The following OR51B5 variants were observed in gnomAD, a reference collection of about 807,000 sequenced individuals.
The protein encoded by OR51B5 is olfactory receptor 51B5.
For synonymous variants in OR51B5, 186 were observed against 144.8 expected (o/e 1.28, Z -2.04); for missense variants, 456 against 374.6 (o/e 1.22, Z -1.79).
In OR51B5 at chr11:5,451,126, T is replaced by C. The variant is rs182223795; in HGVS notation, n.84+54443A>G. On this transcript the variant is annotated intron_variant and non_coding_transcript_variant, in intron 1 of 4. Coordinates refer to the OR51B5 transcript ENST00000415970. ...ACATATCACATGCGTTCAATAAGTATTCATTTTCTTTCTCAGTATTACTTT... is the reference window on the plus strand; with the variant it reads ...ACATATCACATGCGTTCAATAAGTACTCATTTTCTTTCTCAGTATTACTTT... Among the ~76,000 whole-genome samples, 11 of 152,314 alleles carry C rather than the reference T, an allele frequency of 7.2e-5. No individual in the cohort carries two copies. The East Asian group carries it at 2.1e-3, about 29-fold the overall frequency.
intron 1 of OR51B5, among the ~76,000 whole-genome samples, chr11:5,483,554 T>TAAAA (rs199621709): frequency 1.1e-4 from 15 of 132,732 alleles, no homozygotes; most frequent in African/African-American, 4.1e-4. Flanking sequence ...AAAGTACAGC[T>TAAAA]AAAAAAAAAA....
chr11:5,453,934 C>G (rs895093505), intron 1 of OR51B5: 1 of 1,614,094 alleles, frequency 6.2e-7, no homozygotes, highest in Non-Finnish European at 8.5e-7. Flanking sequence ...TTAGGTGCAG[C>G]TGCTCGAAGC....
At position 5,446,609 on chromosome 11, in the gene OR51B5, T is replaced by C. The variant is rs536319524; in HGVS notation, n.84+58960A>G. Among the ~76,000 whole-genome samples, 89 of 152,348 alleles carry C rather than the reference T, an allele frequency of 5.8e-4. 1 individual carries two copies. The highest frequency in any genetic ancestry group is 1.0e-3 in the Non-Finnish European group (68 of 68,024). ...GATAAATTTTACGTATTTGACATAA[T>C]TGATATTTTTATATGACTAAAGAAA... On this transcript the variant is annotated intron_variant and non_coding_transcript_variant, in intron 1 of 4. Coordinates refer to the OR51B5 transcript ENST00000415970.
chr11:5,493,921 A>C (rs943022527), intron 1 of OR51B5, among the ~76,000 whole-genome samples: 1 of 152,210 alleles, frequency 6.6e-6, no homozygotes, highest in African/African-American at 2.4e-5. Flanking sequence ...ATATTCATAT[A>C]TATTTTTACA....
chr11:5,436,136 C>A (rs182053446), intron 1 of OR51B5, among the ~76,000 whole-genome samples: 91 of 152,242 alleles, frequency 6.0e-4, no homozygotes, highest in African/African-American at 2.0e-3. Context: ...GGAATTAAGT[C>A]ACATTAAGGA....
intron 1 of OR51B5, among the ~76,000 whole-genome samples, chr11:5,352,998 A>T (rs1849126213): frequency 6.6e-6 from 1 of 151,460 alleles, no homozygotes; most frequent in South Asian, 2.1e-4. Context: ...TGGCTTGCAT[A>T]TATTAGTCCT....
At chr11:5,363,906 G>A (rs1011724404) in intron 1 of OR51B5, among the ~76,000 whole-genome samples, 11 of 152,096 alleles carry the variant, frequency 7.2e-5, no homozygotes, top group Admixed American at 7.2e-4. Context: ...GCATGACATG[G>A]CAGGTATAAA....
At chr11:5,477,911 G>A (rs1162761409) in intron 1 of OR51B5, among the ~76,000 whole-genome samples, 2 of 151,828 alleles carry the variant, frequency 1.3e-5, no homozygotes, top group Non-Finnish European at 2.9e-5. Context: ...GGATCAAACT[G>A]CAAGGCAGCA....
chr11:5,454,156 G>T (rs746240729), intron 1 of OR51B5: 1 of 1,614,012 alleles, frequency 6.2e-7, no homozygotes, highest in Non-Finnish European at 8.5e-7. Context: ...CTCATTCTGC[G>T]TTCTGTCATG....
At chr11:5,382,009 G>A (rs889109496) in intron 1 of OR51B5, among the ~76,000 whole-genome samples, 3 of 152,158 alleles carry the variant, frequency 2.0e-5, no homozygotes, top group African/African-American at 7.2e-5. Context: ...TCTGTTTCCA[G>A]TGCAGACTTT....
chr11:5,488,638 C>A (rs539254341), intron 1 of OR51B5: 2 of 1,117,288 alleles, frequency 1.8e-6, no homozygotes, highest in Non-Finnish European at 2.6e-6. Flanking sequence ...ATAAATCAAC[C>A]AAATATCTGA....
intron 1 of OR51B5, among the ~76,000 whole-genome samples, chr11:5,395,644 T>G (rs187634814): frequency 1.3e-5 from 2 of 152,280 alleles, no homozygotes; most frequent in Admixed American, 6.5e-5. Context: ...TCAGAGTGCT[T>G]TCCTCCACAG....
intron 1 of OR51B5, among the ~76,000 whole-genome samples, chr11:5,426,161 G>C (rs1850447465): frequency 6.6e-6 from 1 of 152,282 alleles, no homozygotes; most frequent in Non-Finnish European, 1.5e-5. Flanking sequence ...TCCTGGAAAA[G>C]GCAAAACTAT....
intron 1 of OR51B5, among the ~76,000 whole-genome samples, chr11:5,464,740 T>C (rs1311796901): frequency 1.3e-5 from 2 of 152,162 alleles, no homozygotes; most frequent in African/African-American, 2.4e-5. Flanking sequence ...AATGCCACAA[T>C]AAACATACGT....
At chr11:5,417,071 A>G (rs1850255275) in intron 1 of OR51B5, among the ~76,000 whole-genome samples, 2 of 151,534 alleles carry the variant, frequency 1.3e-5, no homozygotes, top group Admixed American at 1.3e-4. Context: ...TACTGGTACC[A>G]AAACAGAGAT....
intron 1 of OR51B5, chr11:5,489,868 A>AC (rs1281858986): frequency 1.1e-5 from 6 of 548,516 alleles, no homozygotes; most frequent in Non-Finnish European, 1.9e-5. Flanking sequence ...AACTCTGAAT[A>AC]CCCCAGAAAG....
At chr11:5,344,548 AGAGAT>A (rs1331239857), upstream of OR51B5, among the ~76,000 whole-genome samples, 1 of 151,966 alleles carries the variant, frequency 6.6e-6, no homozygotes, top group African/African-American at 2.4e-5. Context: ...ACTGAAGAGA[AGAGAT>A]TAGTCCTTTG....
intron 1 of OR51B5, among the ~76,000 whole-genome samples, chr11:5,401,797 T>C (rs1293791432): frequency 1.5e-5 from 2 of 133,164 alleles, no homozygotes; most frequent in African/African-American, 5.6e-5. Context: ...ACACCTTAAA[T>C]GCATAATCTT....
chr11:5,398,471 G>A (rs1318479470), intron 1 of OR51B5, among the ~76,000 whole-genome samples: 1 of 152,148 alleles, frequency 6.6e-6, no homozygotes, highest in Non-Finnish European at 1.5e-5. Context: ...AAGAAGATAT[G>A]AATGCCACAG....
Sources: gnomAD v4.1 joint callset for allele counts (sites outside exome capture counted in the v4.1 genomes callset) on GRCh38, gnomAD v4.1.1 for gene constraint, MANE v1.5 for transcripts, NCBI Gene and HGNC (gene_info 2026-07-23, HGNC 2026-07-21) for gene names.